F13A1: variants seen among roughly 807,000 people sequenced by gnomAD.
The protein encoded by F13A1 is FSF, A subunit.
A neutral mutation model predicts 80.1 loss-of-function variants in F13A1; 47 were observed. That is an observed-to-expected ratio of 0.59 (90% CI 0.46 to 0.75). The LOEUF (loss-of-function observed/expected upper bound fraction) is 0.75, where lower values mean the gene tolerates loss of function less well. Among genes scored for constraint, F13A1 ranks in the 30% least tolerant of loss-of-function variants. F13A1 has a pLI of 0.00. For synonymous variants in F13A1, 349 were observed against 344.9 expected, an observed-to-expected ratio of 1.01 and a Z score of -0.13; for missense variants, 817 against 930.4, an observed-to-expected ratio of 0.88 and a Z score of 1.59.
chr6:6,192,932 AC>A (rs1761228037), intron 10 of F13A1, among the ~76,000 whole-genome samples: 1 of 151,942 alleles, frequency 6.6e-6, no homozygotes, highest in Admixed American at 6.6e-5. Context: ...TTCACTAAGA[AC>A]CCCTGAGGGC....
rs1036543451 is a variant in F13A1, at chr6:6,212,259, CT to C, written c.1112+9773del. ...ACAAACAAAAAGACAGCAGTAACCT[CT>C]GCAGACTTAAATGTCCCTGTCTGAC... On this transcript the variant is annotated intron_variant, in intron 8 of 14. Coordinates refer to ENST00000264870, the MANE Select transcript of F13A1 (RefSeq NM_000129.4). Among the ~76,000 whole-genome samples, 45 of 152,348 alleles carry C rather than the reference CT, an allele frequency of 3.0e-4. 2 individuals carry two copies. The highest frequency in any genetic ancestry group is 1.1e-3 in the African/African-American group (44 of 41,586).
chr6:6,203,722 G>A (rs867591740), intron 8 of F13A1, among the ~76,000 whole-genome samples: 1 of 152,168 alleles, frequency 6.6e-6, no homozygotes, highest in Non-Finnish European at 1.5e-5. Context: ...CTGATGATAA[G>A]TTGTGTTTTT....
chr6:6,211,707 A>G (rs1306809838), intron 8 of F13A1, among the ~76,000 whole-genome samples: 2 of 152,246 alleles, frequency 1.3e-5, no homozygotes, highest in African/African-American at 4.8e-5. Context: ...GCTCCAGTCT[A>G]CAGCTCCCAG....
chr6:6,191,052 C>T lies in F13A1; in HGVS notation c.1305+4745G>A, dbSNP rs1034307328. 3.1e-4 allele frequency among the ~76,000 whole-genome samples: 47 copies of T among 152,316 alleles called. 2 individuals are homozygous for T. Among genetic ancestry groups the T allele is most frequent in the African/African-American group, 1.0e-3 (42 of 41,548 alleles). ...GAACTCCCTGACCCCTTGTGCTTCC[C>T]GAGTGAGGCAATGCCTCACCCTGCT... On this transcript the variant is annotated intron_variant, in intron 10 of 14. Coordinates refer to ENST00000264870, the MANE Select transcript of F13A1 (RefSeq NM_000129.4).
chr6:6,282,951 TC>T (rs1411567278), intron 3 of F13A1, among the ~76,000 whole-genome samples: 2 of 152,184 alleles, frequency 1.3e-5, no homozygotes, highest in Non-Finnish European at 2.9e-5. Context: ...CCAACAGCAC[TC>T]CCTAATCAAC....
chr6:6,263,783 C>T (rs1051936418), intron 4 of F13A1, among the ~76,000 whole-genome samples: 2 of 152,214 alleles, frequency 1.3e-5, no homozygotes, highest in African/African-American at 4.8e-5. Flanking sequence ...AACAAGAAAT[C>T]TAGAGTTATT....
At position 6,266,778 on chromosome 6, in the gene F13A1, G is replaced by A; in HGVS notation, c.351C>T (p.Tyr117=). The part of the protein sequence containing the change: ...GRYPQENKGT[Y]IPVPIVSELQ... ...ACTCTGAGACTATAGGCACTGGGAT[G>A]TAGGTTCCCTTGTTCTCCTGTGGGT... is the stretch of plus-strand genomic sequence containing the variant. Residue 117 remains tyrosine (Y), a synonymous_variant, in exon 4 of 15, where the codon TAC becomes TAT. Transcript: ENST00000264870. The A allele has an allele frequency of 1.9e-6, 3 of 1,614,196 alleles. No individual in the cohort carries two copies. Among genetic ancestry groups the A allele is most frequent in the Non-Finnish European group, 2.5e-6 (3 of 1,180,032 alleles).
chr6:6,297,207 T>C (rs1758342957), intron 3 of F13A1, among the ~76,000 whole-genome samples: 1 of 151,856 alleles, frequency 6.6e-6, no homozygotes, highest in Non-Finnish European at 1.5e-5. Flanking sequence ...TCTAAAATTC[T>C]CTTTTTTGGT....
intron 13 of F13A1, among the ~76,000 whole-genome samples, chr6:6,163,393 C>T (rs1760606662): frequency 6.6e-6 from 1 of 152,260 alleles, no homozygotes; most frequent in East Asian, 1.9e-4. Flanking sequence ...TATAGGTAAA[C>T]TCATGTCATG....
At chr6:6,180,606 T>A (rs978247113) in intron 11 of F13A1, among the ~76,000 whole-genome samples, 2 of 152,274 alleles carry the variant, frequency 1.3e-5, no homozygotes, top group South Asian at 4.1e-4. Context: ...TTTGCACTTA[T>A]ATTGTTTTAA....
chr6:6,223,798 C>A (rs1583080235), intron 7 of F13A1, among the ~76,000 whole-genome samples: 1 of 151,944 alleles, frequency 6.6e-6, no homozygotes, highest in Non-Finnish European at 1.5e-5. Flanking sequence ...CAACCCCTCC[C>A]TTTGTTTTTG....
At chr6:6,198,627 T>C (rs1443418627) in intron 8 of F13A1, among the ~76,000 whole-genome samples, 1 of 152,186 alleles carries the variant, frequency 6.6e-6, no homozygotes, top group Non-Finnish European at 1.5e-5. Context: ...TGCTGGAGAC[T>C]CAGAGATGAT....
intron 1 of F13A1, among the ~76,000 whole-genome samples, chr6:6,319,442 C>T (rs895179296): frequency 2.0e-5 from 3 of 152,314 alleles, no homozygotes; most frequent in South Asian, 2.1e-4. Flanking sequence ...GGGTTGCCAA[C>T]ATTTCCCATT....
At chr6:6,294,230 C>G (rs190143837) in intron 3 of F13A1, among the ~76,000 whole-genome samples, 128 of 152,224 alleles carry the variant, frequency 8.4e-4, no homozygotes, top group Middle Eastern at 3.4e-3. Context: ...AGTCAGTGGG[C>G]TGGGGAAGGC....
intron 3 of F13A1, among the ~76,000 whole-genome samples, chr6:6,302,981 G>A (rs1483489556): frequency 3.9e-5 from 6 of 152,196 alleles, no homozygotes; most frequent in African/African-American, 1.4e-4. Context: ...TATGGGACAA[G>A]ATGAGGGTCA....
chr6:6,184,239 G>A (rs143016194), intron 10 of F13A1, among the ~76,000 whole-genome samples: 2,596 of 152,352 alleles, frequency 0.017, 35 homozygotes, highest in Middle Eastern at 0.034. Context: ...GAGGCAAAGT[G>A]TTTGTGGTTT....
rs1178415419 is a variant in F13A1 at position 6,174,796 on chromosome 6, C to T, written c.1531G>A (p.Gly511Ser). The T allele has an allele frequency of 1.9e-5, 30 of 1,614,022 alleles. No homozygotes were observed. Among genetic ancestry groups the T allele is most frequent in the Middle Eastern group, 1.6e-4 (1 of 6,084 alleles). Reference sequence around the variant, plus strand: ...ACGTTGGACCTTGATTTCATGACACCTTCTGTGTTGAGGGGCTTTTTAGCT... The same window carrying T: ...ACGTTGGACCTTGATTTCATGACACTTTCTGTGTTGAGGGGCTTTTTAGCT... ...YGAKKPLNTE[G>S]VMKSRSNVDM... The change falls in exon 12 of 15, where the codon GGT becomes AGT. Residue 511 changes from glycine to serine, a missense_variant. Coordinates refer to ENST00000264870, the MANE Select transcript of F13A1 (RefSeq NM_000129.4).
intron 3 of F13A1, among the ~76,000 whole-genome samples, chr6:6,279,638 A>T (rs1328622239): frequency 2.0e-5 from 3 of 152,178 alleles, no homozygotes; most frequent in Admixed American, 2.0e-4. Context: ...CTCAGAACAC[A>T]TGCCGTAAAG....
rs1479557022 is a variant in F13A1 at position 6,195,796 on chromosome 6, C to T, written c.1305+1G>A. On this transcript the variant is annotated splice_donor_variant, in intron 10 of 14. Transcript: ENST00000264870. LOFTEE classifies it high-confidence loss of function. ...GCACTTTCCTCCAGCTTCCTGCTTACCTCTGCAAAAACAAAAGGTGCATCA... is the reference window on the plus strand; with the variant it reads ...GCACTTTCCTCCAGCTTCCTGCTTATCTCTGCAAAAACAAAAGGTGCATCA... 3.1e-6 allele frequency: 5 copies of T among 1,613,932 alleles called. No homozygotes were observed. Among genetic ancestry groups the T allele is most frequent in the Non-Finnish European group, 2.5e-6 (3 of 1,179,892 alleles).
Sources: allele counts gnomAD v4.1 joint callset (sites outside exome capture counted in the v4.1 genomes callset), GRCh38; gene constraint gnomAD v4.1.1; transcripts MANE v1.5; gene names NCBI Gene and HGNC (gene_info 2026-07-23, HGNC 2026-07-21).